CCDC81: variants seen among roughly 807,000 people sequenced by gnomAD.
CCDC81 encodes the protein coiled-coil domain containing 81.
CCDC81 carries 79 observed loss-of-function variants against 83.7 expected under a neutral mutation model. That is an observed-to-expected ratio of 0.94 (90% CI 0.79 to 1.14). CCDC81 has a LOEUF of 1.14. Among genes scored for constraint, CCDC81 ranks in the 50% most tolerant of loss-of-function variants. The pLI, the probability that CCDC81 is intolerant of heterozygous loss-of-function variation, is 0.00. For synonymous variants in CCDC81, 252 were observed against 278.1 expected (o/e 0.91, Z 0.93); for missense variants, 791 against 778.1 (o/e 1.02, Z -0.20).
rs990584635 is a variant in CCDC81, at chr11:86,412,482, C to G, written c.1314C>G (p.Asn438Lys). The change falls in exon 11 of 15, where the codon AAC becomes AAG. Residue 438 changes from asparagine to lysine, a missense_variant. Transcript: ENST00000445632. Reference protein sequence around the residue: ...YSRSLLKQMDNRQENEIKQRQ... With the variant: ...YSRSLLKQMDKRQENEIKQRQ... ...GGAGTCTCCTGAAACAAATGGATAA[C>G]AGACAGGAAAACGAAATAAAGCAAA... 1 of 1,613,930 alleles carries G rather than the reference C, an allele frequency of 6.2e-7. No individual in the cohort carries two copies. The highest frequency in any genetic ancestry group is 1.3e-5 in the African/African-American group (1 of 74,998).
chr11:86,412,418 G>A lies in CCDC81; in HGVS notation c.1250G>A (p.Ser417Asn), dbSNP rs77617077. The A allele has an allele frequency of 2.5e-6, 4 of 1,612,314 alleles. No individual in the cohort carries two copies. The highest frequency in any genetic ancestry group is 2.7e-5 in the African/African-American group (2 of 74,848). The change falls in exon 11 of 15, where the codon AGT becomes AAT. Residue 417 changes from serine to asparagine, a missense_variant. Physicochemically the swap from Ser to Asn is conservative, Grantham distance 46 (BLOSUM62 1). Coordinates refer to ENST00000445632, the MANE Select transcript of CCDC81 (RefSeq NM_001156474.2). ...KSFLFDKRPL[S>N]PALNALKQEE... The stretch of plus-strand genomic sequence containing the variant: ...TTCCTATTTGACAAACGGCCACTCA[G>A]TCCTGCGCTTAATGCTCTTAAGCAA...
chr11:86,383,714 G>A (rs1466791115), intron 1 of CCDC81, among the ~76,000 whole-genome samples: 3 of 152,234 alleles, frequency 2.0e-5, no homozygotes, highest in Admixed American at 6.5e-5. Flanking sequence ...GAGATTTAAT[G>A]ATATCCTCTC....
In CCDC81 at chr11:86,377,968, C is replaced by CTTTTTTTTTTTTTTTTTTTTTT. The variant is rs61157417; in HGVS notation, c.79+2727_79+2748dup. On this transcript the variant is annotated intron_variant, in intron 1 of 14. Transcript: ENST00000445632. ...AAGGTGTAAGGTCTGTGCCTAGGTT[C>CTTTTTTTTTTTTTTTTTTTTTT]TTTTTTTTTTTTTTTTTTTTTTGCA... is the stretch of plus-strand genomic sequence containing the variant. 6.8e-5 allele frequency among the ~76,000 whole-genome samples: 5 copies of CTTTTTTTTTTTTTTTTTTTTTT among 73,358 alleles called. 2 individuals are homozygous for CTTTTTTTTTTTTTTTTTTTTTT. The highest frequency in any genetic ancestry group is 2.3e-4 in the Admixed American group (1 of 4,420). 48.1% of individuals were successfully genotyped at this position (73,358 alleles called of 152,430 possible). A position where few individuals can be genotyped will look rare whatever the true frequency, so the allele number is the denominator to read the frequency against.
In CCDC81 at chr11:86,390,083, G is replaced by A. The variant is rs544575232; in HGVS notation, c.298+2411G>A. On this transcript the variant is annotated intron_variant, in intron 3 of 14. Coordinates refer to ENST00000445632, the MANE Select transcript of CCDC81 (RefSeq NM_001156474.2). ...TTGCGCCACTGCACTCCAGCCTGGCGACAGAGTGAGACTCCATCTCAAGAA... is the reference window on the plus strand; with the variant it reads ...TTGCGCCACTGCACTCCAGCCTGGCAACAGAGTGAGACTCCATCTCAAGAA... Among the ~76,000 whole-genome samples the A allele has an allele frequency of 2.6e-4, 39 of 152,172 alleles. No individual in the cohort carries two copies. In the South Asian group the frequency reaches 4.4e-3, roughly 17 times the overall value.
At chr11:86,376,952 C>A (rs1948106315) in intron 1 of CCDC81, among the ~76,000 whole-genome samples, 1 of 152,132 alleles carries the variant, frequency 6.6e-6, no homozygotes, top group African/African-American at 2.4e-5. Flanking sequence ...TCACCCCTAC[C>A]CCTAATCCCA....
At chr11:86,419,778 G>C (rs1354254595) in intron 13 of CCDC81, 150 bp from the exon 14 acceptor site, 7 of 626,300 alleles carry the variant, frequency 1.1e-5, no homozygotes, top group Non-Finnish European at 1.7e-5. Context: ...ATTTCAGTAT[G>C]CTTTTACAGT....
intron 4 of CCDC81, chr11:86,395,030 CAA>C (rs1221984422): frequency 2.1e-5 from 4 of 194,408 alleles, no homozygotes; most frequent in African/African-American, 7.0e-5. Context: ...GATATTTTTA[CAA>C]AGTCTGCTAT....
chr11:86,393,776 C>G (rs1948366943), intron 4 of CCDC81, among the ~76,000 whole-genome samples: 1 of 152,182 alleles, frequency 6.6e-6, no homozygotes, highest in Admixed American at 6.5e-5. Context: ...AATAGTCAAT[C>G]TACCAGACTT....
intron 10 of CCDC81, among the ~76,000 whole-genome samples, chr11:86,409,927 G>C (rs1466493919): frequency 6.6e-6 from 1 of 152,126 alleles, no homozygotes. Flanking sequence ...ACGTGGGATG[G>C]GTGGAGAGGA....
Position 86,422,730 on chromosome 11 carries a change from C to G in CCDC81, c.*15C>G. 2 of 1,608,054 alleles carry G rather than the reference C, an allele frequency of 1.2e-6. No individual in the cohort carries two copies. Among genetic ancestry groups the G allele is most frequent in the African/African-American group, 1.3e-5 (1 of 74,822 alleles). On this transcript the variant is annotated 3_prime_UTR_variant, in exon 15 of 15. Coordinates refer to ENST00000445632, the MANE Select transcript of CCDC81 (RefSeq NM_001156474.2). ...TGCTTGTGTAAAACTCAAAGTTTGG[C>G]TCTTCGTTTCCCGGGGAAAGTTTTT...
At chr11:86,415,060 T>C (rs1948697520) in intron 12 of CCDC81, 33 bp from the exon 13 acceptor site, 1 of 1,604,672 alleles carries the variant, frequency 6.2e-7, no homozygotes, top group African/African-American at 1.3e-5. Context: ...CCTGGTAGAA[T>C]GATAACCTGC....
At chr11:86,411,156 C>T (rs1948636685) in intron 10 of CCDC81, among the ~76,000 whole-genome samples, 1 of 152,220 alleles carries the variant, frequency 6.6e-6, no homozygotes, top group South Asian at 2.1e-4. Context: ...TCAAATTCTA[C>T]ACGCTTTGAC....
chr11:86,413,402 G>C (rs1948672785), intron 11 of CCDC81, among the ~76,000 whole-genome samples: 1 of 152,124 alleles, frequency 6.6e-6, no homozygotes, highest in Admixed American at 6.5e-5. Flanking sequence ...CCTCATCTAG[G>C]TCCGTGGGCA....
rs542017738 is a variant in CCDC81 at position 86,397,952 on chromosome 11, C to T, written c.757+210C>T. Among the ~76,000 whole-genome samples, 3 of 151,846 alleles carry T rather than the reference C, an allele frequency of 2.0e-5. No homozygotes were observed. In the East Asian group the frequency reaches 5.8e-4, roughly 29 times the overall value. On this transcript the variant is annotated intron_variant, in intron 6 of 14. Transcript: ENST00000445632. ...GCAACTTCCACCTCCCAGGTTCAAG[C>T]GACTCTCCTGCCTCAGCCTCCCGAG... is the stretch of plus-strand genomic sequence containing the variant.
chr11:86,414,945 G>A (rs914022641), intron 12 of CCDC81, 78 bp downstream of exon 12: 51 of 1,418,212 alleles, frequency 3.6e-5, no homozygotes, highest in Non-Finnish European at 4.7e-5. Flanking sequence ...AAGTTGTTAC[G>A]AATATTTTTA....
In CCDC81 at chr11:86,418,912, T is replaced by C. The variant is rs554472900; in HGVS notation, c.1692-1016T>C. On this transcript the variant is annotated intron_variant, in intron 13 of 14. Coordinates refer to ENST00000445632, the MANE Select transcript of CCDC81 (RefSeq NM_001156474.2). The stretch of plus-strand genomic sequence containing the variant: ...AATCTACGAAAAGAAAAATAACTTA[T>C]GAAAAAAGTAATAGGTACTCTTCAG... 3.3e-5 allele frequency among the ~76,000 whole-genome samples: 5 copies of C among 152,244 alleles called. No homozygotes were observed. The South Asian group carries it at 1.0e-3, about 32-fold the overall frequency.
In CCDC81 at chr11:86,394,122, CA is replaced by C. The variant is rs1326032771; in HGVS notation, c.556-1210del. The stretch of plus-strand genomic sequence containing the variant: ...AAACCCTTGCTTTTCCATGAAAACA[CA>C]AGGCAAGATTTGCAAGTCCATAAGC... On this transcript the variant is annotated intron_variant, in intron 4 of 14. Coordinates refer to ENST00000445632, the MANE Select transcript of CCDC81 (RefSeq NM_001156474.2). Among the ~76,000 whole-genome samples, 5 of 152,274 alleles carry C rather than the reference CA, an allele frequency of 3.3e-5. No individual in the cohort carries two copies. The South Asian group carries it at 1.0e-3, about 32-fold the overall frequency.
chr11:86,392,842 T>C lies in CCDC81; in HGVS notation c.555+45T>C, dbSNP rs745927554. ...CTCCTAAGTCTTCTCCTAATTGTGG[T>C]TCTGACTCATCTATAGGTGTGTTGT... On this transcript the variant is annotated intron_variant, in intron 4 of 14. Transcript: ENST00000445632. 9 of 1,523,048 alleles carry C rather than the reference T, an allele frequency of 5.9e-6. No individual in the cohort carries two copies. In the South Asian group the frequency reaches 1.2e-4, roughly 20 times the overall value. 94.3% of individuals were successfully genotyped at this position (1,523,048 alleles called of 1,614,324 possible).
At chr11:86,415,371 ATCTC>A (rs1948703529) in intron 13 of CCDC81, 58 bp downstream of exon 13, 8 of 1,404,808 alleles carry the variant, frequency 5.7e-6, no homozygotes, top group Non-Finnish European at 8.0e-6. Flanking sequence ...CGCTTCCTTT[ATCTC>A]TCTTTTTCCA....
Sources: allele counts gnomAD v4.1 joint callset (sites outside exome capture counted in the v4.1 genomes callset), GRCh38; gene constraint gnomAD v4.1.1; transcripts MANE v1.5; gene names NCBI Gene and HGNC (gene_info 2026-07-23, HGNC 2026-07-21).